The following DCC variants were observed in gnomAD, a reference collection of about 807,000 sequenced individuals.
DCC encodes DCC netrin 1 receptor, also known as netrin receptor DCC.
A neutral mutation model predicts 172.5 loss-of-function variants in DCC; 58 were observed. The ratio of observed to expected loss-of-function variants is 0.34; its 90% CI spans 0.27 to 0.42. The LOEUF (loss-of-function observed/expected upper bound fraction) is 0.42, where lower values mean the gene tolerates loss of function less well. Among genes scored for constraint, DCC ranks in the 10% least tolerant of loss-of-function variants. The pLI is 1.00. For missense variants in DCC, 1,740 were observed against 1,791.0 expected (o/e 0.97, Z 0.51); for synonymous variants, 709 against 644.5 (o/e 1.10, Z -1.52).
chr18:52,966,765 A>C (rs1386415377), intron 5 of DCC, among the ~76,000 whole-genome samples: 1 of 152,150 alleles, frequency 6.6e-6, no homozygotes, highest in South Asian at 2.1e-4. Context: ...ATCAGTGGTC[A>C]TGACTTTCTC....
At chr18:53,206,650 A>G (rs1440357834) in intron 10 of DCC, among the ~76,000 whole-genome samples, 1 of 144,776 alleles carries the variant, frequency 6.9e-6, no homozygotes. Flanking sequence ...TATATATAAT[A>G]TATGTATACA....
Position 53,520,333 on chromosome 18 carries a change from C to T in DCC, c.4112-6284C>T, listed in dbSNP as rs188436924. Among the ~76,000 whole-genome samples the T allele has an allele frequency of 9.2e-5, 14 of 151,880 alleles. No homozygotes were observed. In the East Asian group the frequency reaches 1.7e-3, roughly 19 times the overall value. Reference sequence around the variant, plus strand: ...CTCACTCACTAATCCACATGCCTGACGACTACATTGCCTTCTCATTTGAAC... The same window carrying T: ...CTCACTCACTAATCCACATGCCTGATGACTACATTGCCTTCTCATTTGAAC... On this transcript the variant is annotated intron_variant, in intron 27 of 28. Transcript: ENST00000442544.
chr18:52,578,321 G>C (rs2033463321), intron 1 of DCC, among the ~76,000 whole-genome samples: 1 of 152,178 alleles, frequency 6.6e-6, no homozygotes, highest in South Asian at 2.1e-4. Context: ...TTCAATTTTA[G>C]TTCTTACCAG....
chr18:52,950,886 C>T (rs1057250922), intron 5 of DCC, among the ~76,000 whole-genome samples: 7 of 128,394 alleles, frequency 5.5e-5, no homozygotes, highest in Non-Finnish European at 1.1e-4. Flanking sequence ...GATCAGATCG[C>T]GCCACTGCAC....
At chr18:52,917,671 C>T (rs1345950762) in intron 3 of DCC, among the ~76,000 whole-genome samples, 1 of 152,144 alleles carries the variant, frequency 6.6e-6, no homozygotes, top group East Asian at 1.9e-4. Context: ...TTTTAAGGCA[C>T]CCTGTGTAGC....
chr18:53,070,119 A>G (rs1321676298), intron 7 of DCC, among the ~76,000 whole-genome samples: 2 of 151,972 alleles, frequency 1.3e-5, no homozygotes, highest in East Asian at 1.9e-4. Flanking sequence ...AGCTGGGATT[A>G]CAGGCATCCA....
intron 5 of DCC, among the ~76,000 whole-genome samples, chr18:53,023,381 A>AAC (rs2041909433): frequency 6.8e-6 from 1 of 147,904 alleles, no homozygotes; most frequent in South Asian, 2.1e-4. Context: ...AAAAAGGACA[A>AAC]ACACATATAT....
At chr18:53,316,135 G>C (rs962117369) in intron 13 of DCC, among the ~76,000 whole-genome samples, 2 of 152,184 alleles carry the variant, frequency 1.3e-5, no homozygotes, top group African/African-American at 4.8e-5. Context: ...TTCATATAAA[G>C]TGTAAGGAAG....
Position 53,373,574 on chromosome 18 carries a change from A to G in DCC, c.2360-12469A>G, listed in dbSNP as rs971499638. Reference sequence around the variant, plus strand: ...TACATAATTATTCTAACTTCATTTCATCATGTTTTATTAAAGCACAAGGTT... The same window carrying G: ...TACATAATTATTCTAACTTCATTTCGTCATGTTTTATTAAAGCACAAGGTT... On this transcript the variant is annotated intron_variant, in intron 15 of 28. Coordinates refer to ENST00000442544, the MANE Select transcript of DCC (RefSeq NM_005215.4). 9.9e-5 allele frequency among the ~76,000 whole-genome samples: 15 copies of G among 152,116 alleles called. No homozygotes were observed. In the South Asian group the frequency reaches 2.1e-3, roughly 21 times the overall value.
rs183979252 is a variant in DCC, at chr18:53,312,045, C to T, written c.2053+6326C>T. Among the ~76,000 whole-genome samples the T allele has an allele frequency of 9.4e-3, 1,426 of 151,152 alleles. 14 individuals carry two copies. Among genetic ancestry groups the T allele is most frequent in the South Asian group, 0.028 (136 of 4,794 alleles). On this transcript the variant is annotated intron_variant, in intron 13 of 28. Transcript: ENST00000442544. ...ATACAGTGGGTAGGGCGCGGTGGCT[C>T]ATGCCTGTAATCCCAGCACTTTGGG...
chr18:52,810,457 A>G (rs1270539002), intron 2 of DCC, among the ~76,000 whole-genome samples: 1 of 152,196 alleles, frequency 6.6e-6, no homozygotes, highest in Non-Finnish European at 1.5e-5. Context: ...CATGCCCAAG[A>G]ACAATAAGGA....
chr18:52,567,702 GGTACAA>G (rs1440340792), intron 1 of DCC, among the ~76,000 whole-genome samples: 4 of 151,886 alleles, frequency 2.6e-5, no homozygotes, highest in African/African-American at 9.7e-5. Context: ...AAATTACTTC[GGTACAA>G]ATGTACATTA....
chr18:52,411,117 G>A (rs972302451), intron 1 of DCC, among the ~76,000 whole-genome samples: 4 of 151,946 alleles, frequency 2.6e-5, no homozygotes, highest in Non-Finnish European at 4.4e-5. Context: ...TATTCTTAGC[G>A]GTAAACTTCC....
At chr18:53,178,433 T>G (rs998841459) in intron 8 of DCC, among the ~76,000 whole-genome samples, 2 of 152,172 alleles carry the variant, frequency 1.3e-5, no homozygotes, top group Non-Finnish European at 2.9e-5. Context: ...TTTCACTAAT[T>G]GCACTTAAAG....
At chr18:52,653,363 G>A (rs932793374) in intron 1 of DCC, among the ~76,000 whole-genome samples, 4 of 152,140 alleles carry the variant, frequency 2.6e-5, no homozygotes, top group Non-Finnish European at 4.4e-5. Context: ...ATATGTGATA[G>A]GAGATTTATG....
chr18:52,421,864 A>G (rs1445017267), intron 1 of DCC, among the ~76,000 whole-genome samples: 1 of 152,130 alleles, frequency 6.6e-6, no homozygotes, highest in Non-Finnish European at 1.5e-5. Flanking sequence ...TTACCGGCCC[A>G]ATGGCCCCTG....
At chr18:53,529,705 C>T (rs1598855355) in intron 28 of DCC, among the ~76,000 whole-genome samples, 1 of 152,242 alleles carries the variant, frequency 6.6e-6, no homozygotes, top group South Asian at 2.1e-4. Flanking sequence ...TCAAAACTAC[C>T]TGGGAATTTT....
chr18:53,467,645 A>G (rs1172534386), intron 24 of DCC, among the ~76,000 whole-genome samples: 1 of 152,214 alleles, frequency 6.6e-6, no homozygotes, highest in Non-Finnish European at 1.5e-5. Context: ...CCACTTTCAC[A>G]TGTATAAACA....
At chr18:53,303,325 T>C (rs2057161795) in intron 12 of DCC, among the ~76,000 whole-genome samples, 2 of 152,236 alleles carry the variant, frequency 1.3e-5, no homozygotes, top group South Asian at 2.1e-4. Flanking sequence ...GATTATCATT[T>C]CTTAGATTAC....
Sources: gnomAD v4.1 joint callset for allele counts (sites outside exome capture counted in the v4.1 genomes callset) on GRCh38, gnomAD v4.1.1 for gene constraint, MANE v1.5 for transcripts, NCBI Gene and HGNC (gene_info 2026-07-23, HGNC 2026-07-21) for gene names.